The following NMNAT2 variants were observed in gnomAD, a reference collection of about 807,000 sequenced individuals.
The protein encoded by NMNAT2 is nicotinamide nucleotide adenylyltransferase 2.
Under a neutral mutation model 41.6 loss-of-function variants are expected in NMNAT2, and 11 were observed. The ratio of observed to expected loss-of-function variants is 0.26; its 90% CI spans 0.17 to 0.44. The LOEUF is 0.44. NMNAT2 is among the 20% of genes least tolerant of loss of function. The probability of loss-of-function intolerance (pLI) is 1.00; values close to 1 mark genes in which losing one functional copy is unlikely to be tolerated. For missense variants in NMNAT2, 288 were observed against 407.7 expected (o/e 0.71, Z 2.53); for synonymous variants, 148 against 151.2 (o/e 0.98, Z 0.16).
intron 10 of NMNAT2, among the ~76,000 whole-genome samples, chr1:183,258,982 G>T (rs993702515): frequency 6.6e-6 from 1 of 152,162 alleles, no homozygotes. Flanking sequence ...CCGGCTCTGC[G>T]TGAATTACTC....
At chr1:183,380,349 T>A (rs886187720) in intron 1 of NMNAT2, among the ~76,000 whole-genome samples, 2 of 152,256 alleles carry the variant, frequency 1.3e-5, no homozygotes, top group Non-Finnish European at 2.9e-5. Context: ...TCTTTTGCTA[T>A]GGTTTTGCTG....
chr1:183,401,714 A>C (rs1164389513), intron 1 of NMNAT2, among the ~76,000 whole-genome samples: 2 of 152,144 alleles, frequency 1.3e-5, no homozygotes, highest in African/African-American at 4.8e-5. Context: ...GCACATGTAC[A>C]CCATGGAATA....
intron 1 of NMNAT2, among the ~76,000 whole-genome samples, chr1:183,415,230 A>G (rs1649222059): frequency 6.6e-6 from 1 of 152,202 alleles, no homozygotes; most frequent in African/African-American, 2.4e-5. Flanking sequence ...GTTAATGTCC[A>G]TCTTCACCTC....
intron 1 of NMNAT2, among the ~76,000 whole-genome samples, chr1:183,375,214 T>C (rs1438671718): frequency 1.3e-5 from 2 of 152,190 alleles, no homozygotes; most frequent in Non-Finnish European, 2.9e-5. Flanking sequence ...CACCATTAGC[T>C]ACTAAAATAA....
intron 3 of NMNAT2, among the ~76,000 whole-genome samples, chr1:183,291,160 G>A (rs934702471): frequency 4.6e-5 from 7 of 151,996 alleles, no homozygotes; most frequent in East Asian, 3.9e-4. Flanking sequence ...CAGGTGATCC[G>A]CCCACTTCGG....
At position 183,261,313 on chromosome 1, in the gene NMNAT2, C is replaced by T. The variant is rs200069365; in HGVS notation, c.652-10G>A. The T allele has an allele frequency of 4.4e-4, 708 of 1,609,010 alleles. 12 individuals are homozygous for T. In the South Asian group the frequency reaches 7.5e-3, roughly 17 times the overall value. On this transcript the variant is annotated splice_polypyrimidine_tract_variant and intron_variant, in intron 8 of 10. Coordinates refer to ENST00000287713, the MANE Select transcript of NMNAT2 (RefSeq NM_015039.4). ...CAACAATCACCTCCATCTAAAGAAA[C>T]AGAGAGAGGGCCCTTTGGTGAAACC... is the stretch of plus-strand genomic sequence containing the variant.
At chr1:183,349,307 G>A (rs943334216) in intron 1 of NMNAT2, among the ~76,000 whole-genome samples, 1 of 152,360 alleles carries the variant, frequency 6.6e-6, no homozygotes, top group South Asian at 2.1e-4. Flanking sequence ...CAGGCAGCCT[G>A]GGAAGAGCTG....
chr1:183,374,401 C>T (rs1185594226), intron 1 of NMNAT2, among the ~76,000 whole-genome samples: 2 of 152,188 alleles, frequency 1.3e-5, no homozygotes, highest in African/African-American at 2.4e-5. Context: ...AAGAGCCTTT[C>T]TCTCCCCACT....
intron 1 of NMNAT2, among the ~76,000 whole-genome samples, chr1:183,341,493 CAT>C (rs1046737169): frequency 2.1e-5 from 2 of 93,868 alleles, no homozygotes; most frequent in Non-Finnish European, 4.1e-5. Flanking sequence ...GCCTGGGAAA[CAT>C]AGCAAAACCC....
At chr1:183,355,937 A>C (rs929326964) in intron 1 of NMNAT2, among the ~76,000 whole-genome samples, 3 of 152,222 alleles carry the variant, frequency 2.0e-5, no homozygotes, top group Non-Finnish European at 4.4e-5. Flanking sequence ...CTGAGGATAC[A>C]GTGAACTCAG....
At position 183,371,779 on chromosome 1, in the gene NMNAT2, T is replaced by G. The variant is rs151247007; in HGVS notation, c.85+46404A>C. Among the ~76,000 whole-genome samples the G allele has an allele frequency of 4.0e-4, 61 of 152,276 alleles. 1 individual carries two copies. The East Asian group carries it at 0.012, about 29-fold the overall frequency. The stretch of plus-strand genomic sequence containing the variant: ...TTTCTTTTTTGTTTCTGTTTGTTTG[T>G]TTTTTGTTTGTTTGTTTTGAAACAG... On this transcript the variant is annotated intron_variant, in intron 1 of 10. Transcript: ENST00000287713.
At chr1:183,386,973 G>A (rs930346187) in intron 1 of NMNAT2, among the ~76,000 whole-genome samples, 1 of 152,012 alleles carries the variant, frequency 6.6e-6, no homozygotes, top group Non-Finnish European at 1.5e-5. Flanking sequence ...ATGTTTTGAT[G>A]ATTCAAAAAT....
chr1:183,412,244 G>C (rs1378304290), intron 1 of NMNAT2, among the ~76,000 whole-genome samples: 1 of 152,242 alleles, frequency 6.6e-6, no homozygotes, highest in Non-Finnish European at 1.5e-5. Flanking sequence ...TGTTTATTGA[G>C]ACGGAGTCTC....
intron 5 of NMNAT2, 54 bp downstream of exon 5, chr1:183,286,608 C>G: frequency 6.7e-7 from 1 of 1,489,292 alleles, no homozygotes; most frequent in African/African-American, 1.4e-5. Flanking sequence ...ATTAATTTAA[C>G]AAGCCCTCCA....
At chr1:183,275,294 G>A (rs1315801829) in intron 8 of NMNAT2, among the ~76,000 whole-genome samples, 1 of 152,126 alleles carries the variant, frequency 6.6e-6, no homozygotes, top group Non-Finnish European at 1.5e-5. Flanking sequence ...CTCTGTCATA[G>A]ACTGAGATTC....
intron 8 of NMNAT2, among the ~76,000 whole-genome samples, chr1:183,269,724 G>A (rs559034472): frequency 9.9e-5 from 15 of 152,190 alleles, no homozygotes; most frequent in Non-Finnish European, 1.9e-4. Flanking sequence ...TATTTCATAG[G>A]TGGGGAAACC....
intron 1 of NMNAT2, among the ~76,000 whole-genome samples, chr1:183,412,023 T>C (rs1412188093): frequency 6.6e-6 from 1 of 152,060 alleles, no homozygotes; most frequent in Non-Finnish European, 1.5e-5. Flanking sequence ...AGATGTTCCA[T>C]GGGGTTAGCT....
At chr1:183,282,706 C>T (rs998778577) in intron 7 of NMNAT2, among the ~76,000 whole-genome samples, 1 of 152,162 alleles carries the variant, frequency 6.6e-6, no homozygotes. Flanking sequence ...CCCATCCTTG[C>T]CTGTTGGGTG....
intron 1 of NMNAT2, among the ~76,000 whole-genome samples, chr1:183,325,561 C>G (rs1662443568): frequency 6.6e-6 from 1 of 152,164 alleles, no homozygotes; most frequent in Non-Finnish European, 1.5e-5. Context: ...GAGAAAATGG[C>G]TCAGTAGACC....
Sources: gnomAD v4.1 joint callset for allele counts (sites outside exome capture counted in the v4.1 genomes callset) on GRCh38, gnomAD v4.1.1 for gene constraint, MANE v1.5 for transcripts, NCBI Gene and HGNC (gene_info 2026-07-23, HGNC 2026-07-21) for gene names.